The following EXO1 variants were observed in gnomAD, a reference collection of about 807,000 sequenced individuals.
EXO1 encodes exonuclease 1.
A neutral mutation model predicts 84.5 loss-of-function variants in EXO1; 69 were observed. The ratio of observed to expected loss-of-function variants is 0.82; its 90% CI spans 0.67 to 1.00. The LOEUF (loss-of-function observed/expected upper bound fraction) is 1.00. EXO1 is among the 50% of genes least tolerant of loss of function. The pLI, the probability that EXO1 is intolerant of heterozygous loss-of-function variation, is 0.00. For synonymous variants in EXO1, 373 were observed against 366.1 expected (o/e 1.02, Z -0.21); for missense variants, 1,045 against 1,000.7 (o/e 1.04, Z -0.60).
chr1:241,853,004 A>G (rs1409587456), intron 5 of EXO1, among the ~76,000 whole-genome samples: 6 of 152,212 alleles, frequency 3.9e-5, no homozygotes, highest in Non-Finnish European at 5.9e-5. Flanking sequence ...GGCTTATTTT[A>G]TAGCCTAGTA....
rs528665288 is a variant in EXO1 at position 241,872,147 on chromosome 1, T to G, written c.1383T>G (p.Pro461=). The G allele has an allele frequency of 4.3e-6, 7 of 1,614,082 alleles. No individual in the cohort carries two copies. The South Asian group carries it at 6.6e-5, about 15-fold the overall frequency. ...KSLSFSEVFV[P]DLVNGPTNKK... ...TGAGCTTTTCTGAAGTGTTTGTGCC[T>G]GACCTGGTAAATGGACCTACTAACA... The change falls in exon 12 of 16, where the codon CCT becomes CCG. Residue 461 remains proline (P), a synonymous_variant. Transcript: ENST00000366548.
chr1:241,869,729 TC>T (rs1661969804), intron 11 of EXO1, among the ~76,000 whole-genome samples: 1 of 142,670 alleles, frequency 7.0e-6, no homozygotes, highest in Non-Finnish European at 1.5e-5. Context: ...TCATCTTCCT[TC>T]CTTCCTTCCC....
At chr1:241,875,129 G>A (rs1256970311) in intron 12 of EXO1, among the ~76,000 whole-genome samples, 4 of 152,044 alleles carry the variant, frequency 2.6e-5, no homozygotes, top group Admixed American at 1.3e-4. Context: ...TCAGCCTCCC[G>A]AGTAGCTGGG....
In EXO1 at chr1:241,855,821, G is replaced by A. The variant is rs555473356; in HGVS notation, c.406-1524G>A. Among the ~76,000 whole-genome samples, 39 of 152,382 alleles carry A rather than the reference G, an allele frequency of 2.6e-4. No individual in the cohort carries two copies. In the South Asian group the frequency reaches 4.3e-3, roughly 17 times the overall value. The stretch of plus-strand genomic sequence containing the variant: ...GTACATCCTCCGCAGCCGCTGGCCC[G>A]GGTGCTAAGCCCTCATTGCCTGGGG... On this transcript the variant is annotated intron_variant, in intron 6 of 15. Transcript: ENST00000366548.
At chr1:241,887,580 A>G (rs1426749414) in intron 15 of EXO1, among the ~76,000 whole-genome samples, 1 of 152,106 alleles carries the variant, frequency 6.6e-6, no homozygotes, top group Non-Finnish European at 1.5e-5. Flanking sequence ...AGCAACAAAT[A>G]CTCTTAGTTG....
chr1:241,877,180 G>C (rs1486038522), intron 12 of EXO1, among the ~76,000 whole-genome samples: 1 of 152,188 alleles, frequency 6.6e-6, no homozygotes, highest in South Asian at 2.1e-4. Context: ...AAACGTGCCA[G>C]TTTTATCTTT....
Position 241,854,347 on chromosome 1 carries a change from C to T in EXO1, c.405+866C>T, listed in dbSNP as rs143406949. 2.7e-3 allele frequency among the ~76,000 whole-genome samples: 407 copies of T among 152,208 alleles called. 1 individual carries two copies. The highest frequency in any genetic ancestry group is 9.4e-3 in the African/African-American group (392 of 41,546). Reference sequence around the variant, plus strand: ...AGATGGGGTTTCTCCATATTGGTCACGCTGGGCTCGAACTCCCAATCTCAG... The same window carrying T: ...AGATGGGGTTTCTCCATATTGGTCATGCTGGGCTCGAACTCCCAATCTCAG... On this transcript the variant is annotated intron_variant, in intron 6 of 15. Coordinates refer to ENST00000366548, the MANE Select transcript of EXO1 (RefSeq NM_130398.4).
At chr1:241,870,478 G>A (rs1662024925) in intron 11 of EXO1, among the ~76,000 whole-genome samples, 1 of 152,290 alleles carries the variant, frequency 6.6e-6, no homozygotes, top group South Asian at 2.1e-4. Context: ...TTATTGAAAT[G>A]TGATCTGCTT....
At position 241,848,292 on chromosome 1, in the gene EXO1, G is replaced by A. The variant is rs979152907; in HGVS notation, c.-481G>A. On this transcript the variant is annotated 5_prime_UTR_variant, in exon 1 of 16. Coordinates refer to ENST00000366548, the MANE Select transcript of EXO1 (RefSeq NM_130398.4). The surrounding 1 kb of genome is among the most constrained non-coding windows in gnomAD (Gnocchi z 4.2). ...GCCACAGTGAGTTAGGGGCGTCGGA[G>A]CGGGTTTCTCCAACCGCAATCGGCT... 2.0e-5 allele frequency: 3 copies of A among 152,502 alleles called. No homozygotes were observed. The highest frequency in any genetic ancestry group is 7.2e-5 in the African/African-American group (3 of 41,468). 9.4% of individuals were successfully genotyped at this position (152,502 alleles called of 1,614,324 possible).
intron 11 of EXO1, among the ~76,000 whole-genome samples, chr1:241,870,245 A>G (rs932470440): frequency 6.6e-6 from 1 of 152,230 alleles, no homozygotes; most frequent in Non-Finnish European, 1.5e-5. Flanking sequence ...ACTTATCAAT[A>G]GGTTTTGTCC....
chr1:241,875,993 G>A (rs1210940874), intron 12 of EXO1, among the ~76,000 whole-genome samples: 1 of 152,214 alleles, frequency 6.6e-6, no homozygotes, highest in Non-Finnish European at 1.5e-5. Flanking sequence ...GAGTGTCCCT[G>A]TGCTGCTGCT....
chr1:241,859,729 A>G (rs148005903), intron 8 of EXO1, among the ~76,000 whole-genome samples: 1 of 152,304 alleles, frequency 6.6e-6, no homozygotes, highest in Non-Finnish European at 1.5e-5. Context: ...CTCATTTGAT[A>G]CCATGTATCA....
chr1:241,855,785 T>C lies in EXO1; in HGVS notation c.406-1560T>C, dbSNP rs1008972618. ...CGCAGCGCCGGTGGGCCGGCACTGC[T>C]GGGGGACCCAGTACATCCTCCGCAG... On this transcript the variant is annotated intron_variant, in intron 6 of 15. Coordinates refer to ENST00000366548, the MANE Select transcript of EXO1 (RefSeq NM_130398.4). 3.3e-5 allele frequency among the ~76,000 whole-genome samples: 5 copies of C among 152,302 alleles called. No homozygotes were observed. In the East Asian group the frequency reaches 9.6e-4, roughly 29 times the overall value.
At chr1:241,879,450 A>AAT (rs10658107) in intron 13 of EXO1, 107 bp downstream of exon 13, 25,244 of 672,574 alleles carry the variant, frequency 0.038, 829 homozygotes, top group East Asian at 0.13. Context: ...GAGCTATATT[A>AAT]TTTTTTCATT....
At chr1:241,858,877 A>G (rs1661214874) in intron 8 of EXO1, among the ~76,000 whole-genome samples, 159 bp downstream of exon 8, 1 of 152,238 alleles carries the variant, frequency 6.6e-6, no homozygotes, top group Non-Finnish European at 1.5e-5. Flanking sequence ...TGCCTTAGCA[A>G]CTAACATATA....
chr1:241,876,666 A>G (rs780921163), intron 12 of EXO1, among the ~76,000 whole-genome samples: 30 of 152,102 alleles, frequency 2.0e-4, no homozygotes, highest in Non-Finnish European at 4.1e-4. Flanking sequence ...ATGTTTTTCT[A>G]TTTCTCACAA....
intron 10 of EXO1, among the ~76,000 whole-genome samples, chr1:241,862,240 G>A (rs1463254960): frequency 3.3e-5 from 5 of 152,146 alleles, no homozygotes; most frequent in South Asian, 2.1e-4. Context: ...TCCTAGCCGC[G>A]ATTTGCTGTT....
At chr1:241,872,508 C>T (rs1017241703) in intron 12 of EXO1, among the ~76,000 whole-genome samples, 1 of 152,126 alleles carries the variant, frequency 6.6e-6, no homozygotes, top group African/African-American at 2.4e-5. Flanking sequence ...TCCCCTAGCC[C>T]CCTACCCTGC....
Position 241,889,881 on chromosome 1 carries a change from T to C in EXO1, c.*281T>C. 2.5e-6 allele frequency: 1 copy of C among 401,974 alleles called. No individual in the cohort carries two copies. Among genetic ancestry groups the C allele is most frequent in the Non-Finnish European group, 4.6e-6 (1 of 218,304 alleles). 24.9% of individuals were successfully genotyped at this position (401,974 alleles called of 1,614,324 possible). On this transcript the variant is annotated 3_prime_UTR_variant, in exon 16 of 16. Transcript: ENST00000366548. ...AAATCCTCTGGAGTTTATAAAAGTC[T>C]ACTCTAAATATTTCTGTAATGTTGT...
Sources: allele counts gnomAD v4.1 joint callset (sites outside exome capture counted in the v4.1 genomes callset), GRCh38; gene constraint gnomAD v4.1.1; non-coding constraint Gnocchi (gnomAD v3.1); transcripts MANE v1.5; gene names NCBI Gene and HGNC (gene_info 2026-07-23, HGNC 2026-07-21).